The following TMEM117 variants were observed in gnomAD, a reference collection of about 807,000 sequenced individuals.
The protein encoded by TMEM117 is transmembrane protein 117.
Under a neutral mutation model 52.4 loss-of-function variants are expected in TMEM117, and 27 were observed. The observed-to-expected ratio is 0.51, with a 90% CI of 0.38 to 0.71. The LOEUF (loss-of-function observed/expected upper bound fraction) is 0.71. Among genes scored for constraint, TMEM117 ranks in the 30% least tolerant of loss-of-function variants. The probability of loss-of-function intolerance (pLI) is 0.00; values close to 1 mark genes in which losing one functional copy is unlikely to be tolerated. For missense variants in TMEM117, 556 were observed against 630.5 expected (o/e 0.88, Z 1.26); for synonymous variants, 215 against 206.3 (o/e 1.04, Z -0.36).
intron 3 of TMEM117, among the ~76,000 whole-genome samples, chr12:43,951,500 G>A (rs1283244036): frequency 6.6e-6 from 1 of 152,138 alleles, no homozygotes; most frequent in African/African-American, 2.4e-5. Context: ...TGGTTTGGGA[G>A]GTTTGGACTG....
intron 6 of TMEM117, among the ~76,000 whole-genome samples, chr12:44,353,233 C>G (rs1951592332): frequency 6.6e-6 from 1 of 151,658 alleles, no homozygotes. Context: ...AAATTTTCTC[C>G]CATTCTGTAG....
chr12:44,055,925 G>T (rs1048472521), intron 3 of TMEM117, among the ~76,000 whole-genome samples: 5 of 151,918 alleles, frequency 3.3e-5, no homozygotes, highest in Admixed American at 1.3e-4. Flanking sequence ...TACACTTTCA[G>T]CTTGTTTTCA....
intron 2 of TMEM117, among the ~76,000 whole-genome samples, chr12:43,862,437 G>A (rs554106774): frequency 2.2e-4 from 33 of 152,172 alleles, no homozygotes; most frequent in Non-Finnish European, 4.4e-4. Flanking sequence ...GATTACAGGC[G>A]TGAGCCGCTG....
chr12:44,264,067 A>G (rs1243211679), intron 5 of TMEM117: 1 of 152,246 alleles, frequency 6.6e-6, no homozygotes, highest in Admixed American at 6.5e-5. Flanking sequence ...AGTTCTCAGT[A>G]TACCTACAAA....
At chr12:44,034,142 T>C (rs922514440) in intron 3 of TMEM117, among the ~76,000 whole-genome samples, 2 of 152,214 alleles carry the variant, frequency 1.3e-5, no homozygotes, top group African/African-American at 4.8e-5. Context: ...ATTTCTTTCT[T>C]AGGCAACAGG....
chr12:44,155,259 A>G (rs1430392762), intron 4 of TMEM117, among the ~76,000 whole-genome samples: 1 of 152,100 alleles, frequency 6.6e-6, no homozygotes, highest in Non-Finnish European at 1.5e-5. Flanking sequence ...CACTTAACAA[A>G]TATATACGAA....
At chr12:44,090,849 G>GTTTT (rs541939145) in intron 3 of TMEM117, among the ~76,000 whole-genome samples, 10 of 101,638 alleles carry the variant, frequency 9.8e-5, no homozygotes, top group South Asian at 3.2e-4. Context: ...GTTTTTTTTT[G>GTTTT]TTTTTTTTTT....
chr12:43,797,732 A>G, the TMEM117 span: 6 of 1,612,674 alleles, frequency 3.7e-6, no homozygotes, highest in Non-Finnish European at 5.1e-6. Context: ...TGAGCTGTCT[A>G]TTATTCAATT....
At chr12:44,208,729 T>G (rs1020003756) in intron 4 of TMEM117, among the ~76,000 whole-genome samples, 2 of 142,556 alleles carry the variant, frequency 1.4e-5, no homozygotes, top group South Asian at 2.2e-4. Context: ...AAGAATGTTT[T>G]TTTTTTTTTT....
chr12:44,049,728 C>G (rs1045774989), intron 3 of TMEM117, among the ~76,000 whole-genome samples: 17 of 152,012 alleles, frequency 1.1e-4, no homozygotes, highest in African/African-American at 3.9e-4. Flanking sequence ...AGTCTATAAA[C>G]TATTTTTATC....
chr12:43,928,660 T>C (rs898160407), intron 2 of TMEM117, among the ~76,000 whole-genome samples: 2 of 151,826 alleles, frequency 1.3e-5, no homozygotes, highest in Non-Finnish European at 2.9e-5. Context: ...TAGTTACATA[T>C]GTATACATGT....
At chr12:44,267,884 C>G (rs1279975399) in intron 5 of TMEM117, among the ~76,000 whole-genome samples, 1 of 152,142 alleles carries the variant, frequency 6.6e-6, no homozygotes, top group East Asian at 1.9e-4. Flanking sequence ...GCCATGTTTT[C>G]CTTGTCCATT....
At chr12:43,888,712 T>C (rs898560146) in intron 2 of TMEM117, among the ~76,000 whole-genome samples, 1 of 151,798 alleles carries the variant, frequency 6.6e-6, no homozygotes, top group Non-Finnish European at 1.5e-5. Flanking sequence ...CACACCTGGC[T>C]AATTTTTTTG....
At chr12:44,364,027 A>G (rs1189880847) in intron 6 of TMEM117, among the ~76,000 whole-genome samples, 1 of 152,132 alleles carries the variant, frequency 6.6e-6, no homozygotes, top group African/African-American at 2.4e-5. Context: ...GAGGCAATAA[A>G]TCAAGTGTAT....
chr12:44,361,970 C>T (rs997463358), intron 6 of TMEM117, among the ~76,000 whole-genome samples: 26 of 152,162 alleles, frequency 1.7e-4, no homozygotes, highest in African/African-American at 5.8e-4. Context: ...TTTCTAAGAT[C>T]TAGCAGAGCA....
chr12:43,812,346 G>C, the TMEM117 span, among the ~76,000 whole-genome samples: 1 of 152,198 alleles, frequency 6.6e-6, no homozygotes, highest in Non-Finnish European at 1.5e-5. Context: ...TGTCAATGGA[G>C]AATCAAGCTT....
chr12:44,285,244 A>G (rs1565673495), intron 5 of TMEM117, among the ~76,000 whole-genome samples: 1 of 152,132 alleles, frequency 6.6e-6, no homozygotes, highest in Non-Finnish European at 1.5e-5. Flanking sequence ...TACACTTTTG[A>G]GGTGCTGCTG....
intron 4 of TMEM117, among the ~76,000 whole-genome samples, chr12:44,198,071 C>T (rs1457213662): frequency 2.6e-5 from 4 of 152,192 alleles, no homozygotes; most frequent in Non-Finnish European, 4.4e-5. Flanking sequence ...TTTCCATTCA[C>T]TTAACTGTAT....
Position 44,266,308 on chromosome 12 carries a change from G to T in TMEM117, c.609-33272G>T, listed in dbSNP as rs139907697. Among the ~76,000 whole-genome samples, 366 of 152,084 alleles carry T rather than the reference G, an allele frequency of 2.4e-3. 11 individuals carry two copies. The East Asian group carries it at 0.035, about 15-fold the overall frequency. On this transcript the variant is annotated intron_variant, in intron 5 of 7. Transcript: ENST00000266534. Reference sequence around the variant, plus strand: ...TTAAACATTTATTATCGTCTGTCACGTTTATTGTAACCATCCTAGTGGATG... The same window carrying T: ...TTAAACATTTATTATCGTCTGTCACTTTTATTGTAACCATCCTAGTGGATG...
Sources: gnomAD v4.1 joint callset for allele counts (sites outside exome capture counted in the v4.1 genomes callset) on GRCh38, gnomAD v4.1.1 for gene constraint, MANE v1.5 for transcripts, NCBI Gene and HGNC (gene_info 2026-07-23, HGNC 2026-07-21) for gene names.